PRKD1: variants seen among roughly 807,000 people sequenced by gnomAD.
PRKD1 encodes the protein serine/threonine-protein kinase D1.
A neutral mutation model predicts 95.9 loss-of-function variants in PRKD1; 63 were observed. That is an observed-to-expected ratio of 0.66 (90% confidence interval 0.54 to 0.81). The LOEUF (loss-of-function observed/expected upper bound fraction) is 0.81, where lower values mean the gene tolerates loss of function less well. Among genes scored for constraint, PRKD1 ranks in the 30% least tolerant of loss-of-function variants. PRKD1 has a pLI of 0.00. For synonymous variants in PRKD1, 425 were observed against 423.1 expected (o/e 1.00, Z -0.05); for missense variants, 1,048 against 1,165.3 (o/e 0.90, Z 1.47).
intron 1 of PRKD1, among the ~76,000 whole-genome samples, chr14:29,833,323 T>C (rs1026727344): frequency 1.3e-5 from 2 of 152,132 alleles, no homozygotes; most frequent in Non-Finnish European, 2.9e-5. Context: ...TCTTTCAATA[T>C]AAGATAATAT....
chr14:29,623,045 A>G (rs1190625591), intron 13 of PRKD1, among the ~76,000 whole-genome samples: 1 of 152,194 alleles, frequency 6.6e-6, no homozygotes, highest in Non-Finnish European at 1.5e-5. Context: ...TCTGCACCTC[A>G]ATGTTGCCAG....
At chr14:29,821,603 G>C (rs1309523912) in intron 1 of PRKD1, among the ~76,000 whole-genome samples, 3 of 152,098 alleles carry the variant, frequency 2.0e-5, no homozygotes, top group African/African-American at 7.2e-5. Flanking sequence ...TTAAAAGGAA[G>C]CATAATCAGG....
At chr14:29,878,743 G>A (rs1355978386) in intron 1 of PRKD1, among the ~76,000 whole-genome samples, 1 of 152,176 alleles carries the variant, frequency 6.6e-6, no homozygotes, top group Middle Eastern at 3.2e-3. Context: ...GAGGTTGCCA[G>A]GGGCTGAAGG....
At chr14:29,586,437 C>T (rs921834932) in intron 16 of PRKD1, among the ~76,000 whole-genome samples, 1 of 152,202 alleles carries the variant, frequency 6.6e-6, no homozygotes, top group African/African-American at 2.4e-5. Flanking sequence ...CCTTCTCTCT[C>T]AACCTCCTCA....
chr14:29,829,550 G>A (rs1309139827), intron 1 of PRKD1, among the ~76,000 whole-genome samples: 1 of 152,116 alleles, frequency 6.6e-6, no homozygotes, highest in Non-Finnish European at 1.5e-5. Context: ...ATGCAGAGGG[G>A]AAGAAAAGGT....
intron 1 of PRKD1, among the ~76,000 whole-genome samples, chr14:29,913,295 G>GT: frequency 6.6e-6 from 1 of 152,072 alleles, no homozygotes; most frequent in Non-Finnish European, 1.5e-5. Flanking sequence ...AAATGTACAG[G>GT]TTTTTTGGCC....
chr14:29,641,898 C>CTTTTTTTTTTTTT (rs751584936), intron 4 of PRKD1, among the ~76,000 whole-genome samples: 1 of 116,710 alleles, frequency 8.6e-6, no homozygotes, highest in Non-Finnish European at 1.8e-5. Context: ...AAAAATATTT[C>CTTTTTTTTTTTTT]TTTTTTTTTT....
chr14:29,799,622 G>T (rs1349819931), intron 1 of PRKD1, among the ~76,000 whole-genome samples: 1 of 152,184 alleles, frequency 6.6e-6, no homozygotes, highest in East Asian at 1.9e-4. Flanking sequence ...GAGTGTCTTT[G>T]GGGGAGCTAT....
At chr14:29,825,169 A>G (rs922862522) in intron 1 of PRKD1, among the ~76,000 whole-genome samples, 1 of 152,130 alleles carries the variant, frequency 6.6e-6, no homozygotes, top group Non-Finnish European at 1.5e-5. Context: ...TTCAGAAGAC[A>G]GATTTTCTCA....
Position 29,660,035 on chromosome 14 carries a change from T to C in PRKD1, c.696+3664A>G, listed in dbSNP as rs527755338. On this transcript the variant is annotated intron_variant, in intron 4 of 17. Coordinates refer to ENST00000331968, the MANE Select transcript of PRKD1 (RefSeq NM_002742.3). ...TTCCTACTCGAAGTTCTTGTAGATA[T>C]ACTTTCTGTGTTACCTCCTAGAAGC... Among the ~76,000 whole-genome samples, 25 of 152,356 alleles carry C rather than the reference T, an allele frequency of 1.6e-4. 1 individual carries two copies. Among genetic ancestry groups the C allele is most frequent in the African/African-American group, 5.8e-4 (24 of 41,590 alleles).
At chr14:29,590,742 A>G (rs1262862895) in intron 16 of PRKD1, among the ~76,000 whole-genome samples, 2 of 152,170 alleles carry the variant, frequency 1.3e-5, no homozygotes, top group Non-Finnish European at 2.9e-5. Flanking sequence ...TACCCAAAGG[A>G]GAATTTAAGT....
At chr14:29,588,946 G>T (rs896846464) in intron 16 of PRKD1, among the ~76,000 whole-genome samples, 2 of 151,996 alleles carry the variant, frequency 1.3e-5, no homozygotes, top group African/African-American at 4.8e-5. Flanking sequence ...TCGGGAATAG[G>T]TGCTTCTTCA....
At chr14:29,769,186 C>T (rs1888393410) in intron 1 of PRKD1, among the ~76,000 whole-genome samples, 1 of 152,158 alleles carries the variant, frequency 6.6e-6, no homozygotes, top group Non-Finnish European at 1.5e-5. Flanking sequence ...AACCAAAACA[C>T]GGTAGACCTA....
intron 1 of PRKD1, among the ~76,000 whole-genome samples, chr14:29,876,599 A>T (rs553308667): frequency 6.6e-6 from 1 of 152,238 alleles, no homozygotes; most frequent in East Asian, 1.9e-4. Flanking sequence ...AAAGGCCATT[A>T]TCATGACAGT....
At chr14:29,921,550 G>C (rs888440264) in intron 1 of PRKD1, among the ~76,000 whole-genome samples, 3 of 152,064 alleles carry the variant, frequency 2.0e-5, no homozygotes, top group African/African-American at 7.2e-5. Flanking sequence ...TCTTAGATAA[G>C]TCACAAATAT....
chr14:29,848,910 G>C (rs1181479365), intron 1 of PRKD1, among the ~76,000 whole-genome samples: 2 of 148,350 alleles, frequency 1.3e-5, no homozygotes, highest in African/African-American at 4.9e-5. Flanking sequence ...AGATCAACAG[G>C]ATGCTGGCTA....
At chr14:29,817,767 C>T (rs963287645) in intron 1 of PRKD1, among the ~76,000 whole-genome samples, 2 of 152,162 alleles carry the variant, frequency 1.3e-5, no homozygotes, top group African/African-American at 2.4e-5. Flanking sequence ...CTGCCAGCCA[C>T]TGCTTCCCTA....
At chr14:29,884,398 A>G (rs1893622103) in intron 1 of PRKD1, among the ~76,000 whole-genome samples, 1 of 152,222 alleles carries the variant, frequency 6.6e-6, no homozygotes, top group Non-Finnish European at 1.5e-5. Context: ...AGCAATAACA[A>G]TAATCACTCA....
intron 1 of PRKD1, among the ~76,000 whole-genome samples, chr14:29,900,471 T>C (rs1281473133): frequency 6.6e-6 from 1 of 151,980 alleles, no homozygotes; most frequent in Non-Finnish European, 1.5e-5. Context: ...GCAACAAAAA[T>C]GAAAACTGAC....
Sources: gnomAD v4.1 joint callset for allele counts (sites outside exome capture counted in the v4.1 genomes callset) on GRCh38, gnomAD v4.1.1 for gene constraint, MANE v1.5 for transcripts, NCBI Gene and HGNC (gene_info 2026-07-23, HGNC 2026-07-21) for gene names.